Variants in ELP4 observed in about 807,000 individuals in gnomAD.
ELP4 encodes the protein elongator complex protein 4.
A neutral mutation model predicts 48.9 loss-of-function variants in ELP4; 51 were observed. That is an observed-to-expected ratio of 1.04 (90% CI 0.83 to 1.32). The LOEUF is 1.32. Among genes scored for constraint, ELP4 ranks in the 40% most tolerant of loss-of-function variants. The pLI, the probability that ELP4 is intolerant of heterozygous loss-of-function variation, is 0.00. For missense variants in ELP4, 519 were observed against 514.6 expected (o/e 1.01, Z -0.08); for synonymous variants, 210 against 189.2 (o/e 1.11, Z -0.90).
chr11:31,738,559 A>G (rs764004410), intron 9 of ELP4, among the ~76,000 whole-genome samples: 7 of 152,056 alleles, frequency 4.6e-5, no homozygotes, highest in Non-Finnish European at 1.0e-4. Flanking sequence ...AACATGGCAA[A>G]ACCCCATCTC....
intron 3 of ELP4, among the ~76,000 whole-genome samples, chr11:31,583,945 A>G (rs185652633): frequency 1.6e-3 from 246 of 152,234 alleles, no homozygotes; most frequent in Admixed American, 2.9e-3. Flanking sequence ...TTTAATTAAT[A>G]TAAATTTAAA....
intron 9 of ELP4, among the ~76,000 whole-genome samples, chr11:31,669,008 G>A (rs903066249): frequency 6.6e-6 from 1 of 151,738 alleles, no homozygotes; most frequent in African/African-American, 2.4e-5. Context: ...CTCAAACTTC[G>A]ACTTGCAGCT....
chr11:31,546,277 A>G (rs1354003125), intron 3 of ELP4, among the ~76,000 whole-genome samples: 2 of 152,022 alleles, frequency 1.3e-5, no homozygotes, highest in Non-Finnish European at 1.5e-5. Context: ...TCAAAATAAA[A>G]GGATGGAGGA....
At chr11:31,636,988 A>G (rs1339150714) in intron 7 of ELP4, among the ~76,000 whole-genome samples, 1 of 151,972 alleles carries the variant, frequency 6.6e-6, no homozygotes, top group Non-Finnish European at 1.5e-5. Context: ...GTATCTGCCC[A>G]AAGACATTGA....
intron 9 of ELP4, chr11:31,682,103 G>A: frequency 8.0e-7 from 1 of 1,245,646 alleles, no homozygotes; most frequent in Non-Finnish European, 1.0e-6. Flanking sequence ...TTGATTTAGT[G>A]CTTCTGTAAT....
chr11:31,771,765 G>A (rs1300243009), intron 9 of ELP4, among the ~76,000 whole-genome samples: 1 of 152,150 alleles, frequency 6.6e-6, no homozygotes, highest in African/African-American at 2.4e-5. Context: ...AGATCACAAG[G>A]TCAGGAGATC....
intron 5 of ELP4, among the ~76,000 whole-genome samples, chr11:31,612,889 G>A (rs1221085146): frequency 2.6e-5 from 4 of 152,144 alleles, no homozygotes; most frequent in Non-Finnish European, 5.9e-5. Flanking sequence ...ATTTTCCTAG[G>A]AAGTGGAGGA....
chr11:31,625,909 A>G (rs1037759296), intron 5 of ELP4, among the ~76,000 whole-genome samples: 1 of 151,918 alleles, frequency 6.6e-6, no homozygotes, highest in African/African-American at 2.4e-5. Flanking sequence ...AAAAGTGTCT[A>G]TGTAATCTAC....
At chr11:31,641,409 C>G (rs1364478429) in intron 7 of ELP4, among the ~76,000 whole-genome samples, 1 of 151,594 alleles carries the variant, frequency 6.6e-6, no homozygotes, top group African/African-American at 2.4e-5. Flanking sequence ...TTTTTAAAGG[C>G]CTTATATTAT....
At chr11:31,702,158 G>A (rs1333807379) in intron 9 of ELP4, among the ~76,000 whole-genome samples, 4 of 151,936 alleles carry the variant, frequency 2.6e-5, no homozygotes, top group Non-Finnish European at 5.9e-5. Context: ...AATTAGACTT[G>A]AGCCAGGCAT....
intron 9 of ELP4, among the ~76,000 whole-genome samples, chr11:31,756,083 T>C (rs1199236501): frequency 6.6e-6 from 1 of 152,190 alleles, no homozygotes; most frequent in African/African-American, 2.4e-5. Flanking sequence ...TGATCACAAA[T>C]AGAAGTAACA....
At chr11:31,586,184 T>C (rs1957470005) in intron 3 of ELP4, among the ~76,000 whole-genome samples, 2 of 152,312 alleles carry the variant, frequency 1.3e-5, no homozygotes, top group Non-Finnish European at 2.9e-5. Context: ...TCTGGGAAAA[T>C]ACTCATCTAA....
chr11:31,612,913 A>G (rs1247972409), intron 5 of ELP4, among the ~76,000 whole-genome samples: 3 of 152,176 alleles, frequency 2.0e-5, no homozygotes, highest in Non-Finnish European at 2.9e-5. Flanking sequence ...GTGATTTGAA[A>G]GTGATACTGG....
intron 3 of ELP4, among the ~76,000 whole-genome samples, chr11:31,553,761 CA>C (rs879764633): frequency 2.3e-3 from 347 of 151,722 alleles, no homozygotes; most frequent in African/African-American, 6.9e-3. Flanking sequence ...CACACACACA[CA>C]CACCCTATTG....
chr11:31,602,372 A>G (rs773656747), intron 4 of ELP4, among the ~76,000 whole-genome samples: 1 of 151,866 alleles, frequency 6.6e-6, no homozygotes, highest in Non-Finnish European at 1.5e-5. Context: ...TTTTAATATT[A>G]TATATTTTAT....
chr11:31,772,375 C>A (rs1948164592), intron 9 of ELP4, among the ~76,000 whole-genome samples: 1 of 152,142 alleles, frequency 6.6e-6, no homozygotes, highest in African/African-American at 2.4e-5. Flanking sequence ...CCTGCGTCGA[C>A]CTCCCAAGTG....
intron 1 of ELP4, among the ~76,000 whole-genome samples, chr11:31,518,136 C>T (rs1242593639): frequency 3.4e-5 from 5 of 144,956 alleles, no homozygotes; most frequent in African/African-American, 5.1e-5. Flanking sequence ...GACAGAGTTT[C>T]GCTCTTGTTG....
intron 9 of ELP4, among the ~76,000 whole-genome samples, chr11:31,760,464 G>A (rs1270090928): frequency 1.3e-5 from 2 of 152,014 alleles, no homozygotes; most frequent in Non-Finnish European, 2.9e-5. Context: ...TTCTTGCTTT[G>A]GCAAGTTCTT....
chr11:31,563,468 C>T (rs1053343812), intron 3 of ELP4, among the ~76,000 whole-genome samples: 2 of 151,950 alleles, frequency 1.3e-5, no homozygotes, highest in East Asian at 1.9e-4. Flanking sequence ...TGGAATGAAA[C>T]GGGCCGAAAT....
Sources: allele counts gnomAD v4.1 joint callset (sites outside exome capture counted in the v4.1 genomes callset), GRCh38; gene constraint gnomAD v4.1.1; transcripts MANE v1.5; gene names NCBI Gene and HGNC (gene_info 2026-07-23, HGNC 2026-07-21).